Variants in COLGALT1 observed in about 807,000 individuals in gnomAD.
COLGALT1 encodes the protein procollagen galactosyltransferase 1.
Under a neutral mutation model 60.8 loss-of-function variants are expected in COLGALT1, and 43 were observed. That is an observed-to-expected ratio of 0.71 (90% CI 0.55 to 0.91). COLGALT1 has a LOEUF of 0.91. Ranked by LOEUF, COLGALT1 falls within the 40% of genes least tolerant of loss-of-function variation. The pLI, the probability that COLGALT1 is intolerant of heterozygous loss-of-function variation, is 0.00. For missense variants in COLGALT1, 845 were observed against 880.0 expected (o/e 0.96, Z 0.50); for synonymous variants, 369 against 374.2 (o/e 0.99, Z 0.16).
chr19:17,583,060 C>G lies in COLGALT1; in HGVS notation c.*1616C>G, dbSNP rs1040438545. ...GCAAGGGCTGGAGGAGTTGCCGTGC[C>G]TTCAGCCTGAATCGAATGTCAGAAC... is the stretch of plus-strand genomic sequence containing the variant. On this transcript the variant is annotated 3_prime_UTR_variant, in exon 12 of 12. Transcript: ENST00000252599. 2.0e-5 allele frequency: 3 copies of G among 152,252 alleles called. No homozygotes were observed. Among genetic ancestry groups the G allele is most frequent in the Non-Finnish European group, 4.4e-5 (3 of 68,060 alleles). 9.4% of individuals were successfully genotyped at this position (152,252 alleles called of 1,614,324 possible). A position where few individuals can be genotyped will look rare whatever the true frequency, so the allele number is the denominator to read the frequency against.
chr19:17,576,974 G>T, intron 6 of COLGALT1: 1 of 586,626 alleles, frequency 1.7e-6, no homozygotes, highest in Non-Finnish European at 3.0e-6. Context: ...GGGGCGGGGT[G>T]AAGCTGGGGC....
rs116724159 is a variant in COLGALT1, at chr19:17,578,494, C to T, written c.1266+405C>T. On this transcript the variant is annotated intron_variant, in intron 9 of 11. Coordinates refer to ENST00000252599, the MANE Select transcript of COLGALT1 (RefSeq NM_024656.4). ...TGGGGGCACTCACCAGCCCAGGCAT[C>T]CTCATCCACCCTCAGAGGGAGAGGC... Among the ~76,000 whole-genome samples the T allele has an allele frequency of 4.0e-3, 603 of 152,334 alleles. 7 individuals are homozygous for T. Among genetic ancestry groups the T allele is most frequent in the African/African-American group, 0.014 (580 of 41,576 alleles).
rs1343793229 is a variant in COLGALT1 at position 17,582,191 on chromosome 19, G to C, written c.*747G>C. ...CCCAAAGTGCTAGGGTTACAGGCAT[G>C]AGCCACTGTGCCCAGCCCAGGCTCT... On this transcript the variant is annotated 3_prime_UTR_variant, in exon 12 of 12. Transcript: ENST00000252599. 1.3e-5 allele frequency: 2 copies of C among 152,362 alleles called. No homozygotes were observed. Among genetic ancestry groups the C allele is most frequent in the East Asian group, 1.9e-4 (1 of 5,188 alleles). The allele number at this position is 152,362 out of a possible 1,614,324, so 9.4% of individuals were successfully genotyped here.
intron 5 of COLGALT1, 68 bp downstream of exon 5, chr19:17,568,781 G>A: frequency 6.6e-7 from 1 of 1,509,942 alleles, no homozygotes. Context: ...CACTAAGCCA[G>A]TTCAGAACAC....
At chr19:17,578,565 C>T (rs2144846965) in intron 9 of COLGALT1, among the ~76,000 whole-genome samples, 1 of 152,268 alleles carries the variant, frequency 6.6e-6, no homozygotes. Flanking sequence ...CTTGGGCCAT[C>T]AGGGCCGGGC....
chr19:17,580,656 C>T (rs574607949), intron 10 of COLGALT1, 43 bp from the exon 11 acceptor site: 59 of 1,605,776 alleles, frequency 3.7e-5, no homozygotes, highest in Admixed American at 2.0e-4. Context: ...AAGCTCCCTC[C>T]GGAGGGCGGG....
intron 6 of COLGALT1, among the ~76,000 whole-genome samples, chr19:17,576,046 C>T (rs367962350): frequency 6.6e-6 from 1 of 152,166 alleles, no homozygotes; most frequent in African/African-American, 2.4e-5. Flanking sequence ...AAAGCTGAGG[C>T]CCAGGCCAAT....
intron 1 of COLGALT1, among the ~76,000 whole-genome samples, chr19:17,558,407 G>C (rs2076227158): frequency 6.6e-6 from 1 of 150,408 alleles, no homozygotes; most frequent in Non-Finnish European, 1.5e-5. Flanking sequence ...GCCGTGTGCG[G>C]TGGCTCATTC....
chr19:17,579,615 T>C lies in COLGALT1; in HGVS notation c.1394+6T>C, dbSNP rs770993973. The C allele has an allele frequency of 2.7e-6, 3 of 1,121,848 alleles. No individual in the cohort carries two copies. Among genetic ancestry groups the C allele is most frequent in the Non-Finnish European group, 3.3e-6 (3 of 903,858 alleles). 69.5% of individuals were successfully genotyped at this position (1,121,848 alleles called of 1,614,324 possible). On this transcript the variant is annotated splice_donor_region_variant and intron_variant, in intron 10 of 11. Coordinates refer to ENST00000252599, the MANE Select transcript of COLGALT1 (RefSeq NM_024656.4). ...GGCCTGGACTGGGACCTCATGTGAG[T>C]GGGGGTCTGAGGATGGGGTGAAGCT...
At chr19:17,566,648 A>T (rs146564755) in intron 3 of COLGALT1, among the ~76,000 whole-genome samples, 83 of 152,196 alleles carry the variant, frequency 5.5e-4, no homozygotes, top group African/African-American at 1.8e-3. Flanking sequence ...TGAAAACATT[A>T]TCTAGGCATG....
chr19:17,577,003 T>TGAG, intron 6 of COLGALT1, 192 bp from the exon 7 acceptor site: 5 of 587,576 alleles, frequency 8.5e-6, no homozygotes, highest in East Asian at 2.9e-5. Flanking sequence ...TGGCCAGGGC[T>TGAG]TTGGGCTGCT....
At chr19:17,564,501 C>T (rs1234096659) in intron 3 of COLGALT1, among the ~76,000 whole-genome samples, 1 of 147,526 alleles carries the variant, frequency 6.8e-6, no homozygotes, top group Non-Finnish European at 1.5e-5. Context: ...ACTGCAACCT[C>T]TGCCTTCTGG....
intron 1 of COLGALT1, among the ~76,000 whole-genome samples, chr19:17,558,193 C>T: frequency 6.6e-6 from 1 of 151,842 alleles, no homozygotes; most frequent in East Asian, 2.0e-4. Context: ...CCCGCCTCGG[C>T]CTCCCAAAGT....
chr19:17,579,979 A>T (rs1362420927), intron 10 of COLGALT1: 9 of 227,502 alleles, frequency 4.0e-5, no homozygotes, highest in Non-Finnish European at 7.2e-5. Context: ...CGTTGGAAGG[A>T]TCACCCAGAA....
Position 17,559,411 on chromosome 19 carries a change from G to C in COLGALT1, c.361G>C (p.Glu121Gln). The change falls in exon 2 of 12, where the codon GAG becomes CAG. Residue 121 changes from glutamate to glutamine, a missense_variant. Glu to Gln is a conservative substitution (Grantham distance 29). Transcript: ENST00000252599. ...CCATTCCGTGGAGTGGCGGCCAGCA[G>C]AGGAGCCCAGGTGAGCATCTTTCCC... Reference protein sequence around the residue: ...LYHSVEWRPAEEPRSYPDEEG... With the variant: ...LYHSVEWRPAQEPRSYPDEEG... The C allele has an allele frequency of 6.4e-7, 1 of 1,551,638 alleles. No homozygotes were observed. The highest frequency in any genetic ancestry group is 8.7e-7 in the Non-Finnish European group (1 of 1,146,890).
intron 3 of COLGALT1, among the ~76,000 whole-genome samples, chr19:17,563,234 A>G (rs1255133729): frequency 2.4e-5 from 3 of 125,782 alleles, no homozygotes; most frequent in African/African-American, 9.5e-5. Context: ...TCTGTCGCCC[A>G]GGCTGGAGTG....
At chr19:17,565,162 A>ACT (rs112937597) in intron 3 of COLGALT1, among the ~76,000 whole-genome samples, 143,402 of 151,250 alleles carry the variant, frequency 0.95, 68,162 homozygotes, top group Middle Eastern at 0.98. Context: ...GGCTGTTGAG[A>ACT]CTTTTTTTTT....
chr19:17,578,153 G>T, intron 9 of COLGALT1, 64 bp downstream of exon 9: 1 of 1,467,264 alleles, frequency 6.8e-7, no homozygotes. Flanking sequence ...GATTTGGACG[G>T]GAAAGGGGTT....
intron 3 of COLGALT1, among the ~76,000 whole-genome samples, chr19:17,561,159 C>T (rs1031524476): frequency 1.3e-5 from 2 of 151,728 alleles, no homozygotes; most frequent in South Asian, 2.1e-4. Flanking sequence ...GAGCCGAGAT[C>T]GTGCCACTGC....
Sources: allele counts gnomAD v4.1 joint callset (sites outside exome capture counted in the v4.1 genomes callset), GRCh38; gene constraint gnomAD v4.1.1; transcripts MANE v1.5; gene names NCBI Gene and HGNC (gene_info 2026-07-23, HGNC 2026-07-21).